NBR1: variants seen among roughly 807,000 people sequenced by gnomAD.
NBR1 encodes NBR1 autophagy cargo receptor.
In NBR1, 59 loss-of-function variants were observed where a neutral mutation model predicts 115.5. That is an observed-to-expected ratio of 0.51 (90% confidence interval 0.41 to 0.63). The LOEUF is 0.63. Ranked by LOEUF, NBR1 falls within the 30% of genes least tolerant of loss-of-function variation. The probability of loss-of-function intolerance (pLI) is 0.00; values close to 1 mark genes in which losing one functional copy is unlikely to be tolerated. For missense variants in NBR1, 1,043 were observed against 1,150.5 expected (o/e 0.91, Z 1.35); for synonymous variants, 373 against 414.7 (o/e 0.90, Z 1.22).
rs1421943146 is a variant in NBR1 at position 43,196,529 on chromosome 17, A to G, written c.1799A>G (p.Glu600Gly). ...CTGCCACATGACAGTCCTTTAATAG[A>G]GAAGCCAGGCTTGGGGCAGATAGAG... ...SPLPHDSPLI[E>G]KPGLGQIEEE... Residue 600 changes from glutamate to glycine, a missense_variant, in exon 15 of 21, where the codon GAG becomes GGG. Physicochemically the swap from Glu to Gly is moderately conservative, Grantham distance 98. Coordinates refer to ENST00000590996, the MANE Select transcript of NBR1 (RefSeq NM_005899.5). 6.2e-7 allele frequency: 1 copy of G among 1,605,398 alleles called. No homozygotes were observed. Among genetic ancestry groups the G allele is most frequent in the Non-Finnish European group, 8.5e-7 (1 of 1,177,340 alleles).
rs545344446 is a variant in NBR1, at chr17:43,178,440, G to A, written c.165+442G>A. ...AACCTAGGCTGGAGTGCAGTGGTGC[G>A]ATCTCTGCTCACTGCAACCTCCAGC... On this transcript the variant is annotated intron_variant, in intron 3 of 20. Coordinates refer to ENST00000590996, the MANE Select transcript of NBR1 (RefSeq NM_005899.5). Among the ~76,000 whole-genome samples the A allele has an allele frequency of 6.7e-5, 10 of 150,100 alleles. No individual in the cohort carries two copies. In the South Asian group the frequency reaches 1.7e-3, roughly 25 times the overall value.
intron 6 of NBR1, 104 bp downstream of exon 6, chr17:43,186,548 C>G: frequency 9.8e-7 from 1 of 1,015,898 alleles, no homozygotes; most frequent in South Asian, 2.3e-5. Context: ...ACTTTAAGTT[C>G]TGAGATACAT....
intron 1 of NBR1, 47 bp from the exon 2 acceptor site, chr17:43,175,744 T>C (rs1455357106): frequency 2.2e-6 from 2 of 891,730 alleles, no homozygotes; most frequent in Non-Finnish European, 3.5e-6. Flanking sequence ...TATAGAACCC[T>C]TTCTAATGTG....
At chr17:43,181,998 A>C (rs892735067) in intron 5 of NBR1, among the ~76,000 whole-genome samples, 2 of 151,228 alleles carry the variant, frequency 1.3e-5, no homozygotes, top group Non-Finnish European at 2.9e-5. Context: ...GACAAAAAAA[A>C]CCCAAAAAAC....
At chr17:43,203,427 G>A (rs140404788) in intron 19 of NBR1, among the ~76,000 whole-genome samples, 40 of 152,308 alleles carry the variant, frequency 2.6e-4, no homozygotes, top group Non-Finnish European at 4.6e-4. Flanking sequence ...TCAGCTAGGA[G>A]TGAGAGCCAT....
At position 43,189,075 on chromosome 17, in the gene NBR1, C is replaced by T. The variant is rs763132722; in HGVS notation, c.436C>T (p.Pro146Ser). 1 of 1,613,424 alleles carries T rather than the reference C, an allele frequency of 6.2e-7. No homozygotes were observed. The highest frequency in any genetic ancestry group is 1.3e-5 in the African/African-American group (1 of 74,918). Residue 146 changes from proline (P) to serine (S), a missense_variant, in exon 7 of 21, where the codon CCT (proline) becomes TCT (serine). Pro to Ser is a moderately conservative substitution (Grantham distance 74). Transcript: ENST00000590996. ...FPLVPCDTDQ[P>S]QDKPPDWFTS... Reference sequence around the variant, plus strand: ...ACTTGTTCCATGTGACACAGACCAGCCTCAAGACAAGCCCCCAGACTGGTT... The same window carrying T: ...ACTTGTTCCATGTGACACAGACCAGTCTCAAGACAAGCCCCCAGACTGGTT...
At chr17:43,206,325 G>A (rs2057317163) in intron 20 of NBR1, among the ~76,000 whole-genome samples, 1 of 152,094 alleles carries the variant, frequency 6.6e-6, no homozygotes, top group Admixed American at 6.6e-5. Flanking sequence ...TCTGTTTTTA[G>A]TAAGATTACC....
intron 3 of NBR1, 72 bp from the exon 4 acceptor site, chr17:43,179,322 C>T (rs781303165): frequency 7.1e-7 from 1 of 1,406,708 alleles, no homozygotes; most frequent in Non-Finnish European, 1.0e-6. Flanking sequence ...TCCTATGGGG[C>T]TGGTCCTAGT....
chr17:43,190,345 TAC>T, intron 8 of NBR1: 1 of 447,290 alleles, frequency 2.2e-6, no homozygotes. Flanking sequence ...GTGCTGGGAT[TAC>T]AGACATGAGC....
intron 20 of NBR1, among the ~76,000 whole-genome samples, chr17:43,204,859 G>C (rs887060129): frequency 6.8e-6 from 1 of 148,092 alleles, no homozygotes; most frequent in Non-Finnish European, 1.5e-5. Flanking sequence ...TACAGTCCCA[G>C]TTACTTGGGA....
At chr17:43,207,209 T>C (rs772237502) in intron 20 of NBR1, among the ~76,000 whole-genome samples, 2 of 152,184 alleles carry the variant, frequency 1.3e-5, no homozygotes, top group Non-Finnish European at 2.9e-5. Context: ...ATATCCAGAG[T>C]GCAGCTGGAT....
chr17:43,177,945 T>A lies in NBR1; in HGVS notation c.112T>A (p.Ser38Thr). The change falls in exon 3 of 21, where the codon TCA becomes ACA. Residue 38 changes from serine (S) to threonine (T), a missense_variant. Physicochemically the swap from Ser to Thr is moderately conservative, Grantham distance 58 (BLOSUM62 1). Coordinates refer to ENST00000590996, the MANE Select transcript of NBR1 (RefSeq NM_005899.5). ...TGTATCTCTTTTATAGGTAAAAGTT[T>A]CATTTGATCTGAATACTATTCAAAT... ...WADIEAMVKV[S>T]FDLNTIQIKY... The A allele has an allele frequency of 6.5e-7, 1 of 1,542,730 alleles. No individual in the cohort carries two copies. The highest frequency in any genetic ancestry group is 8.9e-7 in the Non-Finnish European group (1 of 1,129,166).
At position 43,202,687 on chromosome 17, in the gene NBR1, A is replaced by G. The variant is rs2154582391; in HGVS notation, c.2596A>G (p.Arg866Gly). ...PRGSSGLVNS[R>G]QKSYDHSRHH... Reference sequence around the variant, plus strand: ...AGGCTCATCAGGACTTGTAAACAGCAGACAGAAGAGCTATGACCACTCAAG... The same window carrying G: ...AGGCTCATCAGGACTTGTAAACAGCGGACAGAAGAGCTATGACCACTCAAG... Residue 866 changes from arginine to glycine, a missense_variant, in exon 19 of 21, where the codon AGA becomes GGA. By Grantham distance (125) the Arg-to-Gly change is moderately radical. Coordinates refer to ENST00000590996, the MANE Select transcript of NBR1 (RefSeq NM_005899.5). 1 of 1,577,224 alleles carries G rather than the reference A, an allele frequency of 6.3e-7. No individual in the cohort carries two copies. Among genetic ancestry groups the G allele is most frequent in the East Asian group, 2.3e-5 (1 of 43,684 alleles).
intron 18 of NBR1, 102 bp from the exon 19 acceptor site, chr17:43,202,553 G>T: frequency 2.1e-5 from 14 of 658,850 alleles, no homozygotes; most frequent in Non-Finnish European, 3.6e-5. Context: ...TTCAAACACT[G>T]TGATCAGATT....
chr17:43,209,889 G>C lies in NBR1; in HGVS notation c.2728-12G>C. On this transcript the variant is annotated splice_polypyrimidine_tract_variant and intron_variant, in intron 20 of 20. Transcript: ENST00000590996. ...TTTTTTTTTTTTTTTTGCTTTGCTT[G>C]TCTCTACACAGCCAATAATTTCTGA... 1 of 1,339,484 alleles carries C rather than the reference G, an allele frequency of 7.5e-7. No individual in the cohort carries two copies. Among genetic ancestry groups the C allele is most frequent in the Non-Finnish European group, 9.6e-7 (1 of 1,041,344 alleles). The allele number at this position is 1,339,484 out of a possible 1,614,324, so 83.0% of individuals were successfully genotyped here.
chr17:43,188,907 C>T, intron 6 of NBR1, 135 bp from the exon 7 acceptor site: 2 of 637,622 alleles, frequency 3.1e-6, no homozygotes, highest in Non-Finnish European at 2.8e-6. Flanking sequence ...TTTAGTACGC[C>T]TTCATACTGT....
chr17:43,179,200 T>G (rs2056601999), intron 3 of NBR1, among the ~76,000 whole-genome samples, 194 bp from the exon 4 acceptor site: 1 of 152,214 alleles, frequency 6.6e-6, no homozygotes, highest in East Asian at 1.9e-4. Context: ...TGCCTTTTAA[T>G]GTATCTGAAA....
At chr17:43,185,013 C>T (rs1019962966) in intron 5 of NBR1, among the ~76,000 whole-genome samples, 27 of 150,966 alleles carry the variant, frequency 1.8e-4, no homozygotes, top group Admixed American at 6.6e-5. Context: ...CGCTTGAACC[C>T]GGGAGGTGGA....
intron 10 of NBR1, among the ~76,000 whole-genome samples, chr17:43,191,790 C>T (rs952101463): frequency 6.6e-6 from 1 of 151,944 alleles, no homozygotes; most frequent in African/African-American, 2.4e-5. Flanking sequence ...GGTGCGATCT[C>T]GGCTCACTGC....
Sources: allele counts gnomAD v4.1 joint callset (sites outside exome capture counted in the v4.1 genomes callset), GRCh38; gene constraint gnomAD v4.1.1; transcripts MANE v1.5; gene names NCBI Gene and HGNC (gene_info 2026-07-23, HGNC 2026-07-21).